The following CLEC16A variants were observed in gnomAD, a reference collection of about 807,000 sequenced individuals.
CLEC16A encodes protein CLEC16A.
Under a neutral mutation model 109.5 loss-of-function variants are expected in CLEC16A, and 51 were observed. The ratio of observed to expected loss-of-function variants is 0.47; its 90% confidence interval spans 0.37 to 0.59. The LOEUF is 0.59. Among genes scored for constraint, CLEC16A ranks in the 20% least tolerant of loss-of-function variants. The pLI is 0.00. For missense variants in CLEC16A, 1,339 were observed against 1,394.0 expected (o/e 0.96, Z 0.63); for synonymous variants, 673 against 564.2 (o/e 1.19, Z -2.73).
At chr16:11,106,597 T>TG (rs539378124) in intron 19 of CLEC16A, among the ~76,000 whole-genome samples, 307 of 152,156 alleles carry the variant, frequency 2.0e-3, no homozygotes, top group Non-Finnish European at 3.8e-3. Flanking sequence ...GCAATCCTCC[T>TG]GCCTCAGCCT....
At chr16:11,160,696 G>A (rs1374115569) in intron 22 of CLEC16A, among the ~76,000 whole-genome samples, 1 of 152,180 alleles carries the variant, frequency 6.6e-6, no homozygotes, top group Non-Finnish European at 1.5e-5. Context: ...CAACTACATA[G>A]TAAAGATAAA....
chr16:11,063,874 G>A (rs192682174), intron 19 of CLEC16A, among the ~76,000 whole-genome samples: 3 of 151,886 alleles, frequency 2.0e-5, no homozygotes, highest in East Asian at 1.9e-4. Context: ...TGGCAGCCAC[G>A]TGTGCCACAT....
chr16:11,043,384 T>C (rs1004138479), intron 15 of CLEC16A, among the ~76,000 whole-genome samples: 4 of 152,184 alleles, frequency 2.6e-5, no homozygotes, highest in African/African-American at 9.7e-5. Context: ...CACTCCAGCC[T>C]GGGCCACAGA....
At chr16:11,099,427 G>A (rs983117218) in intron 19 of CLEC16A, among the ~76,000 whole-genome samples, 16 of 152,266 alleles carry the variant, frequency 1.1e-4, no homozygotes, top group African/African-American at 3.9e-4. Flanking sequence ...GTCGTGGATA[G>A]CAAGACAACG....
chr16:11,100,654 T>C (rs1424087460), intron 19 of CLEC16A, among the ~76,000 whole-genome samples: 1 of 152,196 alleles, frequency 6.6e-6, no homozygotes, highest in Non-Finnish European at 1.5e-5. Flanking sequence ...ACTGACCCTC[T>C]CAGGGTCTCA....
intron 2 of CLEC16A, 96 bp from the exon 3 acceptor site, chr16:10,962,359 G>C: frequency 6.8e-7 from 1 of 1,479,630 alleles, no homozygotes; most frequent in East Asian, 2.3e-5. Flanking sequence ...GGGGAGAGGG[G>C]TGAATCTAAT....
chr16:11,000,803 T>C (rs1158388696), intron 10 of CLEC16A, among the ~76,000 whole-genome samples: 2 of 152,218 alleles, frequency 1.3e-5, no homozygotes, highest in Non-Finnish European at 2.9e-5. Context: ...AGGTTTTGTT[T>C]TGAGCGTTAT....
chr16:10,971,255 C>T, intron 5 of CLEC16A, 25 bp downstream of exon 5: 1 of 1,535,222 alleles, frequency 6.5e-7, no homozygotes, highest in Non-Finnish European at 9.0e-7. Flanking sequence ...GGGCTTGTGT[C>T]TCGGCTGATT....
intron 22 of CLEC16A, chr16:11,157,156 C>A: frequency 7.9e-7 from 1 of 1,268,696 alleles, no homozygotes; most frequent in Non-Finnish European, 1.0e-6. Context: ...CTGCAAGTTC[C>A]CAGCTATTTT....
intron 19 of CLEC16A, among the ~76,000 whole-genome samples, chr16:11,099,779 CAG>C (rs1187120765): frequency 1.3e-5 from 2 of 152,232 alleles, no homozygotes; most frequent in African/African-American, 4.8e-5. Flanking sequence ...GTAACAGTAA[CAG>C]AGGTGTGGAC....
At chr16:11,053,962 T>C (rs1216735840) in intron 18 of CLEC16A, among the ~76,000 whole-genome samples, 1 of 152,180 alleles carries the variant, frequency 6.6e-6, no homozygotes, top group Non-Finnish European at 1.5e-5. Flanking sequence ...CAAGCAGCAT[T>C]AGGTCAGGTC....
chr16:11,132,733 C>T (rs918012186), intron 22 of CLEC16A, among the ~76,000 whole-genome samples: 6 of 152,130 alleles, frequency 3.9e-5, no homozygotes, highest in Non-Finnish European at 7.4e-5. Context: ...AGGCACTTGG[C>T]CAGGGGGTGG....
At position 11,003,178 on chromosome 16, in the gene CLEC16A, C is replaced by G. The variant is rs1184641601; in HGVS notation, c.1176C>G (p.Asn392Lys). 6.2e-7 allele frequency: 1 copy of G among 1,613,272 alleles called. No homozygotes were observed. The highest frequency in any genetic ancestry group is 1.1e-5 in the South Asian group (1 of 91,046). Reference protein sequence around the residue: ...KGKRRVQKRPNYKNVGEEEDE... With the variant: ...KGKRRVQKRPKYKNVGEEEDE... ...AGAGGCGGGTGCAAAAGAGACCCAA[C>G]TACAAAAACGTTGGGGAAGAAGAAG... is the stretch of plus-strand genomic sequence containing the variant. Residue 392 changes from asparagine (N) to lysine (K), a missense_variant, in exon 11 of 24, where the codon AAC becomes AAG. Around this residue, in one of 3 missense-constraint regions of CLEC16A, gnomAD observed 1,061 missense variants for 1,006.8 expected, o/e 1.05. Transcript: ENST00000409790.
chr16:11,016,587 C>T (rs1183470603), intron 11 of CLEC16A, among the ~76,000 whole-genome samples: 2 of 152,134 alleles, frequency 1.3e-5, no homozygotes, highest in Admixed American at 1.3e-4. Context: ...CCTCTTGCCT[C>T]AGCCTCCCAA....
chr16:11,084,622 A>G (rs931240132), intron 19 of CLEC16A, among the ~76,000 whole-genome samples: 1 of 152,216 alleles, frequency 6.6e-6, no homozygotes, highest in Non-Finnish European at 1.5e-5. Context: ...GAGAAGTTGG[A>G]ATAAGATCAA....
intron 11 of CLEC16A, among the ~76,000 whole-genome samples, chr16:11,007,963 T>C (rs906809344): frequency 2.0e-5 from 3 of 152,114 alleles, no homozygotes; most frequent in African/African-American, 7.2e-5. Context: ...ACAAAGCCTC[T>C]GAAGAGCAAC....
chr16:11,043,890 A>C, intron 15 of CLEC16A, 138 bp from the exon 16 acceptor site: 1 of 573,358 alleles, frequency 1.7e-6, no homozygotes, highest in East Asian at 3.1e-5. Context: ...AGGGAAAAAA[A>C]AAAAACACCA....
At chr16:11,078,565 C>T (rs1402230591) in intron 19 of CLEC16A, among the ~76,000 whole-genome samples, 1 of 152,176 alleles carries the variant, frequency 6.6e-6, no homozygotes, top group Non-Finnish European at 1.5e-5. Context: ...AACCACCTGC[C>T]GTCCCAGTCA....
intron 22 of CLEC16A, among the ~76,000 whole-genome samples, chr16:11,138,046 A>G (rs900401317): frequency 2.6e-5 from 4 of 152,156 alleles, no homozygotes; most frequent in African/African-American, 9.7e-5. Context: ...AGGGTACGGG[A>G]CCGCCTGGTG....
Sources: allele counts gnomAD v4.1 joint callset (sites outside exome capture counted in the v4.1 genomes callset), GRCh38; gene constraint gnomAD v4.1.1; regional missense constraint gnomAD v4.1.1; transcripts MANE v1.5; gene names NCBI Gene and HGNC (gene_info 2026-07-23, HGNC 2026-07-21).